The following KCNT2 variants were observed in gnomAD, a reference collection of about 807,000 sequenced individuals.
The protein encoded by KCNT2 is potassium sodium-activated channel subfamily T member 2, also known as potassium channel subfamily T member 2.
A neutral mutation model predicts 153.8 loss-of-function variants in KCNT2; 67 were observed. The ratio of observed to expected loss-of-function variants is 0.44; its 90% CI spans 0.36 to 0.53. The LOEUF is 0.53. Among genes scored for constraint, KCNT2 ranks in the 20% least tolerant of loss-of-function variants. KCNT2 has a pLI of 0.00. For missense variants in KCNT2, 975 were observed against 1,354.8 expected, an observed-to-expected ratio of 0.72 and a Z score of 4.40; for synonymous variants, 500 against 458.8, an observed-to-expected ratio of 1.09 and a Z score of -1.15.
intron 22 of KCNT2, among the ~76,000 whole-genome samples, chr1:196,304,164 G>C (rs1327879632): frequency 1.3e-5 from 2 of 152,062 alleles, no homozygotes; most frequent in African/African-American, 4.8e-5. Flanking sequence ...TCACGTGTGT[G>C]ACTAGCTTTG....
At chr1:196,422,229 T>A (rs1352156393) in intron 12 of KCNT2, among the ~76,000 whole-genome samples, 17 of 152,016 alleles carry the variant, frequency 1.1e-4, no homozygotes. Flanking sequence ...TAGATTAATG[T>A]AAAAGAGTAT....
At chr1:196,423,953 G>A (rs1166692917) in intron 11 of KCNT2, among the ~76,000 whole-genome samples, 2 of 151,800 alleles carry the variant, frequency 1.3e-5, no homozygotes, top group Non-Finnish European at 2.9e-5. Flanking sequence ...TATGCATGAG[G>A]AATTGCACTG....
intron 14 of KCNT2, among the ~76,000 whole-genome samples, chr1:196,364,226 G>A (rs1034445748): frequency 1.3e-5 from 2 of 152,146 alleles, no homozygotes; most frequent in African/African-American, 4.8e-5. Context: ...AAGCGTATGT[G>A]TGAACTCTAC....
intron 14 of KCNT2, among the ~76,000 whole-genome samples, chr1:196,352,105 G>C (rs1572139208): frequency 6.6e-6 from 1 of 152,202 alleles, no homozygotes; most frequent in Non-Finnish European, 1.5e-5. Flanking sequence ...GATTCGGTTT[G>C]CCAGTATTTT....
intron 1 of KCNT2, among the ~76,000 whole-genome samples, chr1:196,603,908 T>G (rs72732296): frequency 0.013 from 1,967 of 152,356 alleles, 26 homozygotes; most frequent in Non-Finnish European, 0.022. Context: ...GGCTGATGAC[T>G]TTTAAAACCT....
chr1:196,245,530 A>G (rs576480094), intron 26 of KCNT2, among the ~76,000 whole-genome samples: 1 of 152,208 alleles, frequency 6.6e-6, no homozygotes, highest in Non-Finnish European at 1.5e-5. Context: ...ATAAGGAATC[A>G]GCGACCAATT....
At chr1:196,605,392 C>A (rs1216031734) in intron 1 of KCNT2, among the ~76,000 whole-genome samples, 1 of 152,166 alleles carries the variant, frequency 6.6e-6, no homozygotes, top group Non-Finnish European at 1.5e-5. Flanking sequence ...CAGTGTAGAA[C>A]ATGCTTCAGA....
chr1:196,489,971 T>C (rs1679735905), intron 2 of KCNT2, 34 bp from the exon 3 acceptor site: 1 of 984,888 alleles, frequency 1.0e-6, no homozygotes, highest in Non-Finnish European at 1.5e-6. Context: ...GATTTTCATC[T>C]GAACTTAGTT....
chr1:196,594,257 G>A (rs1366379293), intron 1 of KCNT2, among the ~76,000 whole-genome samples: 1 of 152,138 alleles, frequency 6.6e-6, no homozygotes, highest in Non-Finnish European at 1.5e-5. Flanking sequence ...TATTTCCACA[G>A]AAAAGCTCCT....
chr1:196,256,922 CT>C (rs544147178), intron 26 of KCNT2, among the ~76,000 whole-genome samples: 1 of 151,908 alleles, frequency 6.6e-6, no homozygotes, highest in Non-Finnish European at 1.5e-5. Flanking sequence ...TAGTGGATTT[CT>C]AAAATGACGA....
At chr1:196,566,950 T>C (rs746875156) in intron 1 of KCNT2, among the ~76,000 whole-genome samples, 4 of 152,054 alleles carry the variant, frequency 2.6e-5, no homozygotes. Context: ...TATAATACCT[T>C]GCAAAATCAA....
chr1:196,464,675 T>C (rs1235250868), intron 8 of KCNT2, among the ~76,000 whole-genome samples: 1 of 151,964 alleles, frequency 6.6e-6, no homozygotes. Context: ...TCATTAAGGA[T>C]CTGAATGAAT....
chr1:196,555,380 C>A (rs1208317496), intron 1 of KCNT2, among the ~76,000 whole-genome samples: 1 of 150,968 alleles, frequency 6.6e-6, no homozygotes, highest in African/African-American at 2.4e-5. Context: ...AAAAAGAAAT[C>A]AAAAAGCAAT....
At chr1:196,558,120 G>C (rs1226978135) in intron 1 of KCNT2, among the ~76,000 whole-genome samples, 1 of 151,286 alleles carries the variant, frequency 6.6e-6, no homozygotes, top group Non-Finnish European at 1.5e-5. Context: ...TATTAAGATA[G>C]AGTGAATTAT....
chr1:196,463,935 C>A (rs1259582016), intron 8 of KCNT2, among the ~76,000 whole-genome samples: 2 of 151,826 alleles, frequency 1.3e-5, no homozygotes, highest in African/African-American at 2.4e-5. Context: ...TCCTTTTTCT[C>A]ACACTAACAT....
chr1:196,543,739 C>T (rs995559062), intron 1 of KCNT2, among the ~76,000 whole-genome samples: 7 of 152,046 alleles, frequency 4.6e-5, no homozygotes, highest in African/African-American at 1.7e-4. Context: ...AAAATAATGA[C>T]AACCCTATAT....
chr1:196,519,770 A>C (rs2148819398), intron 1 of KCNT2, among the ~76,000 whole-genome samples: 1 of 152,262 alleles, frequency 6.6e-6, no homozygotes, highest in Non-Finnish European at 1.5e-5. Context: ...GAACAGACCA[A>C]AAATGAGCTC....
chr1:196,376,116 C>T (rs1668946680), intron 13 of KCNT2, among the ~76,000 whole-genome samples: 1 of 151,772 alleles, frequency 6.6e-6, no homozygotes. Flanking sequence ...ATTCTAACTG[C>T]CCCTCATTTC....
intron 27 of KCNT2, among the ~76,000 whole-genome samples, chr1:196,230,973 A>G (rs2102216045): frequency 6.6e-6 from 1 of 152,050 alleles, no homozygotes; most frequent in East Asian, 1.9e-4. Context: ...TGCTACAGAT[A>G]AATATTGCAT....
Sources: gnomAD v4.1 joint callset for allele counts (sites outside exome capture counted in the v4.1 genomes callset) on GRCh38, gnomAD v4.1.1 for gene constraint, MANE v1.5 for transcripts, NCBI Gene and HGNC (gene_info 2026-07-23, HGNC 2026-07-21) for gene names.